The following PARD3B variants were observed in gnomAD, a reference collection of about 807,000 sequenced individuals.
PARD3B encodes par-3 family cell polarity regulator beta.
In PARD3B, 103 loss-of-function variants were observed where a neutral mutation model predicts 130.2. The observed-to-expected ratio is 0.79, with a 90% CI of 0.67 to 0.93. The LOEUF (loss-of-function observed/expected upper bound fraction) is 0.93. Ranked by LOEUF, PARD3B falls within the 40% of genes least tolerant of loss-of-function variation. PARD3B has a pLI of 0.00. For missense variants in PARD3B, 1,609 were observed against 1,499.2 expected (o/e 1.07, Z -1.21); for synonymous variants, 583 against 553.2 (o/e 1.05, Z -0.76).
chr2:205,162,477 A>G (rs908635927), intron 11 of PARD3B, among the ~76,000 whole-genome samples: 3 of 152,260 alleles, frequency 2.0e-5, no homozygotes, highest in African/African-American at 4.8e-5. Context: ...CCTAAGCACT[A>G]GCATGCATTA....
At chr2:204,953,009 AAG>A in intron 2 of PARD3B, among the ~76,000 whole-genome samples, 1 of 150,968 alleles carries the variant, frequency 6.6e-6, no homozygotes, top group Non-Finnish European at 1.5e-5. Context: ...AAAAAAAAAA[AAG>A]GTATATATAT....
intron 18 of PARD3B, among the ~76,000 whole-genome samples, chr2:205,327,065 CTG>C (rs1308513840): frequency 6.6e-6 from 1 of 152,150 alleles, no homozygotes; most frequent in East Asian, 1.9e-4. Context: ...AGCTCTATCA[CTG>C]TATGTGTTCT....
chr2:205,245,577 CAT>C (rs2039537096), intron 15 of PARD3B, among the ~76,000 whole-genome samples, 199 bp from the exon 16 acceptor site: 1 of 152,090 alleles, frequency 6.6e-6, no homozygotes, highest in African/African-American at 2.4e-5. Flanking sequence ...ATCTAATAAA[CAT>C]ATATTTATTC....
chr2:205,047,097 T>C (rs1213517443), intron 3 of PARD3B, among the ~76,000 whole-genome samples: 1 of 152,198 alleles, frequency 6.6e-6, no homozygotes, highest in Non-Finnish European at 1.5e-5. Context: ...TAGGCATTAA[T>C]GTTGTAACCC....
Position 205,616,413 on chromosome 2 carries a change from A to C in PARD3B, c.*600A>C, listed in dbSNP as rs2055439265. 6.6e-6 allele frequency: 1 copy of C among 152,258 alleles called. No homozygotes were observed. Among genetic ancestry groups the C allele is most frequent in the South Asian group, 2.1e-4 (1 of 4,822 alleles). The allele number at this position is 152,258 out of a possible 1,614,324, so 9.4% of individuals were successfully genotyped here. On this transcript the variant is annotated 3_prime_UTR_variant, in exon 23 of 23. Transcript: ENST00000406610. ...TTGTACCGAGAGAAAGACTGCATTT[A>C]TTTGTAGAATTTATCAGGTTTCTGA...
chr2:205,333,092 T>G (rs1442479624), intron 18 of PARD3B, among the ~76,000 whole-genome samples: 6 of 152,148 alleles, frequency 3.9e-5, no homozygotes, highest in African/African-American at 1.4e-4. Flanking sequence ...TTTTACTTAG[T>G]AGAGGGGTTT....
At chr2:204,640,953 T>C (rs2035056277) in intron 1 of PARD3B, among the ~76,000 whole-genome samples, 1 of 147,934 alleles carries the variant, frequency 6.8e-6, no homozygotes, top group South Asian at 2.1e-4. Context: ...GTATAATATA[T>C]TTACTGTATA....
intron 19 of PARD3B, among the ~76,000 whole-genome samples, chr2:205,420,683 G>T (rs1003405319): frequency 4.6e-5 from 7 of 152,146 alleles, no homozygotes; most frequent in African/African-American, 1.7e-4. Context: ...AAAGTGAATT[G>T]TTATTATTTC....
intron 2 of PARD3B, among the ~76,000 whole-genome samples, chr2:204,935,590 T>A (rs559802566): frequency 2.6e-5 from 4 of 151,464 alleles, no homozygotes; most frequent in Non-Finnish European, 5.9e-5. Context: ...ATAGTACATA[T>A]ATAGTATGTA....
At chr2:204,916,099 T>C (rs946119272) in intron 2 of PARD3B, among the ~76,000 whole-genome samples, 3 of 152,180 alleles carry the variant, frequency 2.0e-5, no homozygotes, top group Non-Finnish European at 4.4e-5. Context: ...CAAATAGCCA[T>C]TGAAAAGAAC....
chr2:204,882,658 C>G (rs2046100438), intron 2 of PARD3B, among the ~76,000 whole-genome samples: 1 of 152,140 alleles, frequency 6.6e-6, no homozygotes, highest in African/African-American at 2.4e-5. Flanking sequence ...TTTTCAATGT[C>G]TTTACCTTGA....
At position 205,160,763 on chromosome 2, in the gene PARD3B, T is replaced by C. The variant is rs747119394; in HGVS notation, c.1620+1856T>C. On this transcript the variant is annotated intron_variant, in intron 11 of 22. Transcript: ENST00000406610. The surrounding 1 kb of genome is among the most constrained non-coding windows in gnomAD (Gnocchi z 4.0). ...TTATCTAACTTTATTCACATTTACATTGGATTATTTTCAGTCCATTTTATC... is the reference window on the plus strand; with the variant it reads ...TTATCTAACTTTATTCACATTTACACTGGATTATTTTCAGTCCATTTTATC... Among the ~76,000 whole-genome samples, 16 of 152,210 alleles carry C rather than the reference T, an allele frequency of 1.1e-4. No homozygotes were observed. Among genetic ancestry groups the C allele is most frequent in the Non-Finnish European group, 2.2e-4 (15 of 68,048 alleles).
intron 2 of PARD3B, among the ~76,000 whole-genome samples, chr2:204,803,984 G>T (rs1259160915): frequency 6.6e-6 from 1 of 152,142 alleles, no homozygotes; most frequent in African/African-American, 2.4e-5. Context: ...ACTTTGGGAG[G>T]TGGGCAGATC....
rs1430594479 is a variant in PARD3B, at chr2:205,269,258, C to T, written c.2185+23436C>T. ...GTTAAGTTCTCAATGATTAAAGGTG[C>T]CTTGAGTATTTTATTCAAAACTTTT... On this transcript the variant is annotated intron_variant, in intron 16 of 22. Transcript: ENST00000406610. The surrounding 1 kb of genome is among the most constrained non-coding windows in gnomAD (Gnocchi z 4.7). Among the ~76,000 whole-genome samples, 1 of 152,046 alleles carries T rather than the reference C, an allele frequency of 6.6e-6. No homozygotes were observed. The highest frequency in any genetic ancestry group is 1.5e-5 in the Non-Finnish European group (1 of 67,972).
At chr2:204,974,026 C>T (rs564285254) in intron 3 of PARD3B, among the ~76,000 whole-genome samples, 45 of 152,290 alleles carry the variant, frequency 3.0e-4, no homozygotes, top group Middle Eastern at 3.4e-3. Flanking sequence ...ACACAGAAAA[C>T]GGTGCTCATT....
chr2:205,109,577 T>G (rs918934847), intron 5 of PARD3B, among the ~76,000 whole-genome samples: 11 of 152,058 alleles, frequency 7.2e-5, no homozygotes, highest in African/African-American at 2.7e-4. Flanking sequence ...AGATGTGGTA[T>G]GTGTAACATA....
intron 5 of PARD3B, among the ~76,000 whole-genome samples, chr2:205,110,634 G>GT (rs67202996): frequency 0.065 from 6,823 of 104,550 alleles, 302 homozygotes; most frequent in African/African-American, 0.12. Flanking sequence ...TCTGTTTTTT[G>GT]TTTTTTGTTT....
intron 21 of PARD3B, among the ~76,000 whole-genome samples, chr2:205,548,353 A>G (rs564042477): frequency 6.6e-6 from 1 of 152,248 alleles, no homozygotes; most frequent in South Asian, 2.1e-4. Context: ...ACATGTCTCA[A>G]GTCAGTTTAA....
intron 1 of PARD3B, among the ~76,000 whole-genome samples, chr2:204,656,253 T>G (rs1314714224): frequency 6.6e-6 from 1 of 152,180 alleles, no homozygotes; most frequent in African/African-American, 2.4e-5. Flanking sequence ...TTGGACCATT[T>G]TTTATAATCG....
Sources: allele counts gnomAD v4.1 joint callset (sites outside exome capture counted in the v4.1 genomes callset), GRCh38; gene constraint gnomAD v4.1.1; non-coding constraint Gnocchi (gnomAD v3.1); transcripts MANE v1.5; gene names NCBI Gene and HGNC (gene_info 2026-07-23, HGNC 2026-07-21).